The following PLCB2 variants were observed in gnomAD, a reference collection of about 807,000 sequenced individuals.
PLCB2 encodes 1-phosphatidylinositol 4,5-bisphosphate phosphodiesterase beta-2.
In PLCB2, 115 loss-of-function variants were observed where a neutral mutation model predicts 141.7. That is an observed-to-expected ratio of 0.81 (90% CI 0.70 to 0.95). The LOEUF (loss-of-function observed/expected upper bound fraction) is 0.95, where lower values mean the gene tolerates loss of function less well. Ranked by LOEUF, PLCB2 falls within the 40% of genes least tolerant of loss-of-function variation. The pLI, the probability that PLCB2 is intolerant of heterozygous loss-of-function variation, is 0.00. For missense variants in PLCB2, 1,403 were observed against 1,541.1 expected, an observed-to-expected ratio of 0.91 and a Z score of 1.50; for synonymous variants, 603 against 595.6, an observed-to-expected ratio of 1.01 and a Z score of -0.18.
Position 40,303,283 on chromosome 15 carries a change from C to G in PLCB2, c.231+5G>C. The G allele has an allele frequency of 6.2e-7, 1 of 1,609,020 alleles. No individual in the cohort carries two copies. The highest frequency in any genetic ancestry group is 8.5e-7 in the Non-Finnish European group (1 of 1,175,262). ...TGAGCCTGGGCTGCTACTGGACACA[C>G]CTACCTTGGGCATCTTGGCAAACTT... On this transcript the variant is annotated splice_donor_5th_base_variant and intron_variant, in intron 3 of 31. Transcript: ENST00000260402.
chr15:40,307,278 G>A (rs2040846340), intron 1 of PLCB2, among the ~76,000 whole-genome samples: 1 of 152,128 alleles, frequency 6.6e-6, no homozygotes, highest in Non-Finnish European at 1.5e-5. Context: ...GCTCTGGGGT[G>A]CACTTTCCTC....
Position 40,291,441 on chromosome 15 carries a change from C to T in PLCB2, c.2694G>A (p.Val898=). ...SLEELRELKG[V]VKLQRRHEKE... is the part of the protein sequence containing the mutation. ...TCTCGTGCCGCCGCTGCAGCTTCAC[C>T]ACGCCCTTTAGCTCCCGGAGCTCCT... is the stretch of plus-strand genomic sequence containing the variant. The change falls in exon 26 of 32, where the codon GTG becomes GTA. Residue 898 remains valine, a synonymous_variant. Transcript: ENST00000260402. The T allele has an allele frequency of 3.2e-6, 5 of 1,549,426 alleles. No individual in the cohort carries two copies. The highest frequency in any genetic ancestry group is 3.5e-6 in the Non-Finnish European group (4 of 1,152,772).
intron 26 of PLCB2, 40 bp from the exon 27 acceptor site, chr15:40,291,223 C>A: frequency 6.4e-7 from 1 of 1,570,638 alleles, no homozygotes; most frequent in Non-Finnish European, 8.6e-7. Context: ...AGATCCTGCG[C>A]CACCCGCGCT....
chr15:40,290,049 C>T lies in PLCB2; in HGVS notation c.3243G>A (p.Gln1081=). ...LKREINNSHI[Q]EVVQVIKQMT... ...CCTGCTTGATCACCTGCACTACTTC[C>T]TGGATGTGGGAGTTGTTAATCTCTC... Residue 1081 remains glutamine (Q), a synonymous_variant, in exon 30 of 32, where the codon CAG becomes CAA. Coordinates refer to ENST00000260402, the MANE Select transcript of PLCB2 (RefSeq NM_004573.3). The T allele has an allele frequency of 1.9e-6, 3 of 1,610,324 alleles. No homozygotes were observed. The highest frequency in any genetic ancestry group is 2.5e-6 in the Non-Finnish European group (3 of 1,177,164).
chr15:40,292,042 C>A (rs367824252), intron 23 of PLCB2, 22 bp downstream of exon 23: 42 of 1,610,136 alleles, frequency 2.6e-5, no homozygotes, highest in East Asian at 2.5e-4. Context: ...GAGCCCCTGG[C>A]AGCAGTGCAG....
intron 31 of PLCB2, 129 bp downstream of exon 31, chr15:40,289,143 C>G: frequency 9.7e-7 from 1 of 1,035,584 alleles, no homozygotes. Flanking sequence ...GAAAGGGCCT[C>G]GGGACCCCAC....
intron 19 of PLCB2, 97 bp downstream of exon 19, chr15:40,294,169 C>T (rs2040078125): frequency 2.4e-6 from 3 of 1,236,022 alleles, no homozygotes; most frequent in Non-Finnish European, 3.5e-6. Flanking sequence ...TCCAGGATAT[C>T]AGGGGAGGGG....
chr15:40,307,609 G>A lies in PLCB2; in HGVS notation c.64C>T (p.Arg22Cys), dbSNP rs767693228. 10 of 1,585,498 alleles carry A rather than the reference G, an allele frequency of 6.3e-6. No homozygotes were observed. The African/African-American group carries it at 6.8e-5, about 11-fold the overall frequency. The change falls in exon 1 of 32, where the codon CGC (arginine) becomes TGC (cysteine). Residue 22 changes from arginine to cysteine, a missense_variant. Coordinates refer to ENST00000260402, the MANE Select transcript of PLCB2 (RefSeq NM_004573.3). Reference protein sequence around the residue: ...KVKAYLSQGERFIKWDDETTV... With the variant: ...KVKAYLSQGECFIKWDDETTV... ...CTTACATCATCCCATTTGATGAAGC[G>A]CTCCCCTTGGCTCAGATAGGCCTTC...
Position 40,296,932 on chromosome 15 carries a change from C to A in PLCB2, c.1324-24G>T, listed in dbSNP as rs1262455558. The A allele has an allele frequency of 2.5e-6, 4 of 1,612,410 alleles. No homozygotes were observed. The South Asian group carries it at 4.4e-5, about 18-fold the overall frequency. On this transcript the variant is annotated intron_variant, in intron 13 of 31. Coordinates refer to ENST00000260402, the MANE Select transcript of PLCB2 (RefSeq NM_004573.3). ...AGCTATGGAGTGGAGAGCAGGTCAGCACCATCTTCTCACCTTCATGGCATA... is the reference window on the plus strand; with the variant it reads ...AGCTATGGAGTGGAGAGCAGGTCAGAACCATCTTCTCACCTTCATGGCATA...
At chr15:40,287,674 C>T (rs566528714), downstream of PLCB2, among the ~76,000 whole-genome samples, 13 of 152,068 alleles carry the variant, frequency 8.5e-5, no homozygotes, top group South Asian at 2.3e-3. Context: ...TGTGTGGGGG[C>T]GAAGAGGGGG....
At position 40,295,070 on chromosome 15, in the gene PLCB2, A is replaced by T; in HGVS notation, c.1782-10T>A. The T allele has an allele frequency of 6.2e-7, 1 of 1,610,630 alleles. No homozygotes were observed. Among genetic ancestry groups the T allele is most frequent in the Non-Finnish European group, 8.5e-7 (1 of 1,177,382 alleles). ...CTGGCGCTTGTTGTAGCTGTCCCTG[A>T]GTTTAGGACCCTAGCCAAGGCCATC... On this transcript the variant is annotated splice_polypyrimidine_tract_variant and intron_variant, in intron 17 of 31. Coordinates refer to ENST00000260402, the MANE Select transcript of PLCB2 (RefSeq NM_004573.3).
rs2039883558 is a variant in PLCB2 at position 40,291,147 on chromosome 15, C to G, written c.2907G>C (p.Pro969=). 5 of 1,570,922 alleles carry G rather than the reference C, an allele frequency of 3.2e-6. No homozygotes were observed. Among genetic ancestry groups the G allele is most frequent in the South Asian group, 1.1e-5 (1 of 87,184 alleles). ...CGTCCACGCCCTCAGGGCCCTCGCC[C>G]GGCGCGGCTCCGGCGCTCTCCTCGC... ...LPREESAGAA[P]GEGPEGVDGR... Residue 969 remains proline, a synonymous_variant, in exon 27 of 32, where the codon CCG becomes CCC. Coordinates refer to ENST00000260402, the MANE Select transcript of PLCB2 (RefSeq NM_004573.3).
intron 8 of PLCB2, 46 bp downstream of exon 8, chr15:40,299,082 T>G (rs765336038): frequency 1.5e-5 from 23 of 1,568,782 alleles, no homozygotes; most frequent in Non-Finnish European, 2.0e-5. Context: ...AGGGGATTGT[T>G]AGCCACCACC....
Position 40,297,834 on chromosome 15 carries a change from G to C in PLCB2, c.1238+43C>G. On this transcript the variant is annotated intron_variant, in intron 12 of 31. Coordinates refer to ENST00000260402, the MANE Select transcript of PLCB2 (RefSeq NM_004573.3). This position sits in a 1 kb window ranked among gnomAD's most constrained non-coding sequence, Gnocchi z 4.2. ...GGAGGACAGTTGCAGACAGGAGACTGGGGGCTGGGTGAGAATGTGGCTGAA... is the reference window on the plus strand; with the variant it reads ...GGAGGACAGTTGCAGACAGGAGACTCGGGGCTGGGTGAGAATGTGGCTGAA... 1 of 1,478,894 alleles carries C rather than the reference G, an allele frequency of 6.8e-7. No individual in the cohort carries two copies. Among genetic ancestry groups the C allele is most frequent in the South Asian group, 1.1e-5 (1 of 87,718 alleles). 91.6% of individuals were successfully genotyped at this position (1,478,894 alleles called of 1,614,324 possible).
chr15:40,292,805 A>G (rs868336846), intron 21 of PLCB2, 121 bp downstream of exon 21: 4 of 647,866 alleles, frequency 6.2e-6, no homozygotes, highest in South Asian at 6.1e-5. Flanking sequence ...GTTCTGCCCT[A>G]CTCCTTACAA....
chr15:40,302,398 A>G (rs1486067457), intron 4 of PLCB2, 49 bp from the exon 5 acceptor site: 1 of 1,612,206 alleles, frequency 6.2e-7, no homozygotes, highest in Admixed American at 1.7e-5. Context: ...ACCCCCGCCC[A>G]GGCCTGTGTC....
intron 27 of PLCB2, 77 bp downstream of exon 27, chr15:40,290,941 T>G: frequency 7.0e-5 from 84 of 1,204,186 alleles, no homozygotes; most frequent in Non-Finnish European, 8.1e-5. Context: ...GTTGGGTCGG[T>G]GAGAGGGGCG....
At position 40,292,452 on chromosome 15, in the gene PLCB2, C is replaced by G; in HGVS notation, c.2327-9G>C. The stretch of plus-strand genomic sequence containing the variant: ...GCACAGGTGGTGGTACCCTGTGAGA[C>G]AGGACAGGGTAGGCAGTGAGCCAGA... On this transcript the variant is annotated splice_polypyrimidine_tract_variant and intron_variant, in intron 21 of 31. Transcript: ENST00000260402. 6.3e-7 allele frequency: 1 copy of G among 1,592,616 alleles called. No individual in the cohort carries two copies. The highest frequency in any genetic ancestry group is 8.6e-7 in the Non-Finnish European group (1 of 1,161,420).
At chr15:40,292,184 A>T (rs1223138797) in intron 22 of PLCB2, 26 bp from the exon 23 acceptor site, 1 of 1,599,538 alleles carries the variant, frequency 6.3e-7, no homozygotes, top group Non-Finnish European at 8.6e-7. Context: ...GGACATTACA[A>T]CATAGTGTAT....
Sources: allele counts gnomAD v4.1 joint callset (sites outside exome capture counted in the v4.1 genomes callset), GRCh38; gene constraint gnomAD v4.1.1; non-coding constraint Gnocchi (gnomAD v3.1); transcripts MANE v1.5; gene names NCBI Gene and HGNC (gene_info 2026-07-23, HGNC 2026-07-21).